Variants in NRXN1 observed in about 807,000 individuals in gnomAD.
NRXN1 encodes neurexin-1.
A neutral mutation model predicts 150.9 loss-of-function variants in NRXN1; 39 were observed. The ratio of observed to expected loss-of-function variants is 0.26; its 90% CI spans 0.20 to 0.34. The LOEUF (loss-of-function observed/expected upper bound fraction) is 0.34. Ranked by LOEUF, NRXN1 falls within the 10% of genes least tolerant of loss-of-function variation. The probability of loss-of-function intolerance (pLI) is 1.00; values close to 1 mark genes in which losing one functional copy is unlikely to be tolerated. For missense variants in NRXN1, 1,815 were observed against 1,949.9 expected (o/e 0.93, Z 1.30); for synonymous variants, 924 against 757.0 (o/e 1.22, Z -3.62).
In NRXN1 at chr2:50,770,432, G is replaced by A. The variant is rs1208686068; in HGVS notation, c.833-146817C>T. Among the ~76,000 whole-genome samples, 3 of 151,848 alleles carry A rather than the reference G, an allele frequency of 2.0e-5. 1 individual carries two copies. Among genetic ancestry groups the A allele is most frequent in the South Asian group, 2.1e-4 (1 of 4,814 alleles). ...AATTCTGGCTCCATTAAAAGTTTTC[G>A]TTGTTGTTGTTAATGATCTACTTAC... On this transcript the variant is annotated intron_variant, in intron 5 of 22. Transcript: ENST00000401669.
At chr2:50,988,057 T>C (rs1304978767) in intron 2 of NRXN1, among the ~76,000 whole-genome samples, 2 of 152,006 alleles carry the variant, frequency 1.3e-5, no homozygotes, top group African/African-American at 4.8e-5. Context: ...CTCAGGTCTA[T>C]TCAGGGAACT....
intron 17 of NRXN1, among the ~76,000 whole-genome samples, chr2:50,388,222 A>G (rs2081452879): frequency 6.6e-6 from 1 of 152,194 alleles, no homozygotes; most frequent in South Asian, 2.1e-4. Flanking sequence ...AGTAAAATAG[A>G]CTGATTATGA....
intron 5 of NRXN1, among the ~76,000 whole-genome samples, chr2:50,901,954 T>C (rs1482516557): frequency 6.6e-6 from 1 of 152,224 alleles, no homozygotes; most frequent in Admixed American, 6.5e-5. Context: ...CCATATGCTG[T>C]CCTTCCATAT....
chr2:50,623,232 T>C (rs927067585), intron 6 of NRXN1, 82 bp downstream of exon 6: 1 of 1,101,114 alleles, frequency 9.1e-7, no homozygotes, highest in Non-Finnish European at 1.3e-6. Flanking sequence ...CCCTGTATCA[T>C]GTTGTTAGAG....
At chr2:50,631,135 T>G (rs377083203) in intron 5 of NRXN1, 11 of 446,252 alleles carry the variant, frequency 2.5e-5, no homozygotes, top group African/African-American at 2.3e-4. Flanking sequence ...CATTAGATTT[T>G]CTACGTAATA....
chr2:50,539,544 A>C (rs941748756), intron 9 of NRXN1, among the ~76,000 whole-genome samples: 7 of 152,184 alleles, frequency 4.6e-5, no homozygotes, highest in African/African-American at 1.4e-4. Context: ...GAAAGATATA[A>C]AGCATATTCC....
At chr2:50,726,380 C>T (rs1038601681) in intron 5 of NRXN1, among the ~76,000 whole-genome samples, 4 of 152,266 alleles carry the variant, frequency 2.6e-5, no homozygotes, top group South Asian at 2.1e-4. Context: ...CGCGTGGTGG[C>T]GCCCGCCTGC....
At chr2:50,282,595 C>A (rs541376396) in intron 17 of NRXN1, among the ~76,000 whole-genome samples, 2 of 152,186 alleles carry the variant, frequency 1.3e-5, no homozygotes, top group Admixed American at 6.5e-5. Context: ...CTAATCCCCC[C>A]AAAATTCTGA....
At chr2:50,842,921 C>T (rs1673086279) in intron 5 of NRXN1, among the ~76,000 whole-genome samples, 1 of 152,130 alleles carries the variant, frequency 6.6e-6, no homozygotes, top group Non-Finnish European at 1.5e-5. Context: ...TAGGATTATA[C>T]AGTATACAAA....
chr2:50,791,354 T>C (rs910207644), intron 5 of NRXN1, among the ~76,000 whole-genome samples: 7 of 149,202 alleles, frequency 4.7e-5, no homozygotes, highest in Non-Finnish European at 7.4e-5. Context: ...TGACTATAAG[T>C]AGATCTCTAG....
At chr2:50,975,296 A>C in intron 2 of NRXN1, among the ~76,000 whole-genome samples, 1 of 152,140 alleles carries the variant, frequency 6.6e-6, no homozygotes, top group East Asian at 1.9e-4. Context: ...TCTCAGTAAT[A>C]TTTAAGAACT....
intron 17 of NRXN1, among the ~76,000 whole-genome samples, chr2:50,269,151 G>T (rs973509332): frequency 6.6e-6 from 1 of 152,168 alleles, no homozygotes; most frequent in African/African-American, 2.4e-5. Context: ...CTAATATTGT[G>T]CAAGAATCTG....
chr2:50,859,651 C>T (rs965320235), intron 5 of NRXN1, among the ~76,000 whole-genome samples: 1 of 150,548 alleles, frequency 6.6e-6, no homozygotes, highest in African/African-American at 2.4e-5. Flanking sequence ...TGGTCTGGGA[C>T]AGATGTCAAC....
intron 18 of NRXN1, among the ~76,000 whole-genome samples, chr2:50,157,314 G>A (rs571183848): frequency 3.6e-4 from 54 of 152,056 alleles, no homozygotes; most frequent in Non-Finnish European, 6.5e-4. Context: ...AACTTTAAGC[G>A]TTTTCACCAG....
intron 16 of NRXN1, among the ~76,000 whole-genome samples, chr2:50,468,118 G>C (rs927334806): frequency 6.6e-6 from 1 of 151,600 alleles, no homozygotes; most frequent in Non-Finnish European, 1.5e-5. Flanking sequence ...ATAGCTATTT[G>C]CTCTCTGACC....
At chr2:50,170,746 C>G (rs879936058) in intron 18 of NRXN1, among the ~76,000 whole-genome samples, 5 of 148,960 alleles carry the variant, frequency 3.4e-5, no homozygotes, top group African/African-American at 1.3e-4. Context: ...TTGAGTCTCT[C>G]TCTGTCTGTC....
At position 50,442,023 on chromosome 2, in the gene NRXN1, C is replaced by G. The variant is rs374072877; in HGVS notation, c.3364+23419G>C. ...TTCCAGTGAAGTCTCTCTAGTCAGC[C>G]TTCAGTACACTGTCTTAACATATGT... On this transcript the variant is annotated intron_variant, in intron 17 of 22. Transcript: ENST00000401669. Among the ~76,000 whole-genome samples the G allele has an allele frequency of 9.9e-5, 15 of 152,262 alleles. No homozygotes were observed. In the East Asian group the frequency reaches 2.3e-3, roughly 24 times the overall value.
intron 8 of NRXN1, among the ~76,000 whole-genome samples, chr2:50,577,985 A>G (rs1313048605): frequency 6.6e-6 from 1 of 152,174 alleles, no homozygotes; most frequent in Non-Finnish European, 1.5e-5. Flanking sequence ...TTAAATGTAG[A>G]TTAAAAGCTA....
chr2:49,944,995 G>A (rs1323817061), intron 21 of NRXN1: 5 of 152,162 alleles, frequency 3.3e-5, no homozygotes, highest in African/African-American at 7.2e-5. Flanking sequence ...GAGACGAGGG[G>A]TGATGAACTT....
Sources: allele counts gnomAD v4.1 joint callset (sites outside exome capture counted in the v4.1 genomes callset), GRCh38; gene constraint gnomAD v4.1.1; transcripts MANE v1.5; gene names NCBI Gene and HGNC (gene_info 2026-07-23, HGNC 2026-07-21).